Variants in CDH3 observed in about 807,000 individuals in gnomAD.
The protein encoded by CDH3 is cadherin-3.
A neutral mutation model predicts 82.0 loss-of-function variants in CDH3; 54 were observed. The observed-to-expected ratio is 0.66, with a 90% confidence interval of 0.53 to 0.83. CDH3 has a LOEUF of 0.83. CDH3 is among the 40% of genes least tolerant of loss of function. The pLI, the probability that CDH3 is intolerant of heterozygous loss-of-function variation, is 0.00. For synonymous variants in CDH3, 446 were observed against 437.9 expected (o/e 1.02, Z -0.23); for missense variants, 1,054 against 1,084.6 (o/e 0.97, Z 0.40).
chr16:68,658,412 C>T (rs1205150516), intron 2 of CDH3, among the ~76,000 whole-genome samples: 2 of 152,124 alleles, frequency 1.3e-5, no homozygotes, highest in African/African-American at 2.4e-5. Flanking sequence ...AGCTCCTCAG[C>T]CTTGAGGCCC....
At chr16:68,722,011 C>T (rs956175495) in intron 1 of CDH3, among the ~76,000 whole-genome samples, 4 of 152,086 alleles carry the variant, frequency 2.6e-5, no homozygotes, top group African/African-American at 9.7e-5. Flanking sequence ...ATTGCTTGAA[C>T]CTGGGAGGCA....
chr16:68,678,727 G>A, intron 5 of CDH3, 35 bp from the exon 6 acceptor site: 1 of 1,614,136 alleles, frequency 6.2e-7, no homozygotes, highest in Non-Finnish European at 8.5e-7. Context: ...GAGGTGGGTG[G>A]CACCGGGCTG....
At chr16:68,645,568 C>A in intron 1 of CDH3, 68 bp from the exon 2 acceptor site, 1 of 1,456,846 alleles carries the variant, frequency 6.9e-7, no homozygotes, top group Non-Finnish European at 9.3e-7. Flanking sequence ...GAGGACCCTG[C>A]GGTGTGGGGA....
chr16:68,668,810 G>A (rs1215809502), intron 2 of CDH3, among the ~76,000 whole-genome samples: 2 of 152,204 alleles, frequency 1.3e-5, no homozygotes, highest in South Asian at 2.1e-4. Flanking sequence ...AGGCCAGGAT[G>A]TGGATGTCAG....
chr16:68,685,230 G>A lies in CDH3; in HGVS notation c.1450G>A (p.Gly484Arg). The change falls in exon 11 of 16, where the codon GGG becomes AGG. Residue 484 changes from glycine to arginine, a missense_variant. By Grantham distance (125) the Gly-to-Arg change is moderately radical (BLOSUM62 -2). Coordinates refer to ENST00000264012, the MANE Select transcript of CDH3 (RefSeq NM_001793.6). ...ISYRILRDPAGWLAMDPDSGQ... is the reference protein window; with the variant it reads ...ISYRILRDPARWLAMDPDSGQ... ...CTACCGCATCCTGAGAGACCCAGCAGGGTGGCTAGCCATGGACCCAGACAG... is the reference window on the plus strand; with the variant it reads ...CTACCGCATCCTGAGAGACCCAGCAAGGTGGCTAGCCATGGACCCAGACAG... 1 of 1,614,138 alleles carries A rather than the reference G, an allele frequency of 6.2e-7. No individual in the cohort carries two copies. The highest frequency in any genetic ancestry group is 8.5e-7 in the Non-Finnish European group (1 of 1,180,036).
At chr16:68,700,833 G>A (rs549044014), downstream of CDH3, among the ~76,000 whole-genome samples, 37 of 152,204 alleles carry the variant, frequency 2.4e-4, 1 homozygote, top group South Asian at 4.1e-4. Context: ...CAGCCCAGGC[G>A]ACAGAGTGAG....
Position 68,687,752 on chromosome 16 carries a change from G to A in CDH3, c.1795+16G>A. 6.3e-7 allele frequency: 1 copy of A among 1,588,816 alleles called. No homozygotes were observed. Among genetic ancestry groups the A allele is most frequent in the Non-Finnish European group, 8.6e-7 (1 of 1,157,566 alleles). The stretch of plus-strand genomic sequence containing the variant: ...AACGAGGAAGGTACCTGAGTGAGTG[G>A]TGGTAGCGGGTGGGGTGCCAGCCCC... On this transcript the variant is annotated intron_variant, in intron 12 of 15. Coordinates refer to ENST00000264012, the MANE Select transcript of CDH3 (RefSeq NM_001793.6).
chr16:68,681,442 G>T (rs1038631134), intron 8 of CDH3, among the ~76,000 whole-genome samples: 1 of 152,170 alleles, frequency 6.6e-6, no homozygotes, highest in African/African-American at 2.4e-5. Flanking sequence ...GAATGCTTGT[G>T]TACCTCCAAG....
intron 2 of CDH3, among the ~76,000 whole-genome samples, chr16:68,647,203 C>T (rs999915967): frequency 6.6e-6 from 1 of 152,126 alleles, no homozygotes; most frequent in Non-Finnish European, 1.5e-5. Flanking sequence ...AATCCAATTC[C>T]GGCTCCCTGA....
downstream of CDH3, among the ~76,000 whole-genome samples, chr16:68,731,962 G>C (rs1962297617): frequency 6.6e-6 from 1 of 152,136 alleles, no homozygotes. Context: ...AACTACTGTT[G>C]GGGCTGGGTG....
intron 2 of CDH3, among the ~76,000 whole-genome samples, chr16:68,659,641 A>G (rs1960506006): frequency 6.6e-6 from 1 of 152,024 alleles, no homozygotes; most frequent in African/African-American, 2.4e-5. Flanking sequence ...CCAAGATCAC[A>G]CCACTGTACT....
chr16:68,713,024 A>T (rs751854497), intron 1 of CDH3, among the ~76,000 whole-genome samples: 1 of 151,846 alleles, frequency 6.6e-6, no homozygotes, highest in Non-Finnish European at 1.5e-5. Flanking sequence ...CCAGTGCAGC[A>T]TCCTCCCTTT....
chr16:68,669,353 C>G lies in CDH3; in HGVS notation c.161-7032C>G, dbSNP rs540806494. 2.0e-5 allele frequency among the ~76,000 whole-genome samples: 3 copies of G among 152,266 alleles called. No individual in the cohort carries two copies. The East Asian group carries it at 5.8e-4, about 29-fold the overall frequency. ...CAAAGCAGTTTAGAGCTGATGGGGC[C>G]AGCTCCTCAGATGTATCTGGAATAT... On this transcript the variant is annotated intron_variant, in intron 2 of 15. Coordinates refer to ENST00000264012, the MANE Select transcript of CDH3 (RefSeq NM_001793.6).
intron 13 of CDH3, 28 bp downstream of exon 13, chr16:68,691,954 T>C (rs1453102009): frequency 1.3e-6 from 2 of 1,560,534 alleles, no homozygotes; most frequent in East Asian, 2.2e-5. Context: ...ACCCCCTCCC[T>C]GAGGATGGGG....
At chr16:68,670,678 A>G (rs1960862599) in intron 2 of CDH3, among the ~76,000 whole-genome samples, 1 of 152,214 alleles carries the variant, frequency 6.6e-6, no homozygotes, top group Admixed American at 6.5e-5. Flanking sequence ...ATGAGAAAGC[A>G]TAAATACCTA....
At position 68,653,939 on chromosome 16, in the gene CDH3, G is replaced by T. The variant is rs142332701; in HGVS notation, c.160+8189G>T. Among the ~76,000 whole-genome samples, 834 of 151,566 alleles carry T rather than the reference G, an allele frequency of 5.5e-3. 11 individuals are homozygous for T. The highest frequency in any genetic ancestry group is 0.019 in the African/African-American group (789 of 41,314). ...TCGCCATGTTAGCCAGGATGGTCTC[G>T]ATCTCCTGACCTCATGATCCACCCA... On this transcript the variant is annotated intron_variant, in intron 2 of 15. Coordinates refer to ENST00000264012, the MANE Select transcript of CDH3 (RefSeq NM_001793.6).
In CDH3 at chr16:68,689,696, A is replaced by G. The variant is rs186839997; in HGVS notation, c.1795+1960A>G. ...TCCACATGGTCGACTAGTTGTTCAGACTGGAGAGCTGTCTCTGCCTCCTGG... is the reference window on the plus strand; with the variant it reads ...TCCACATGGTCGACTAGTTGTTCAGGCTGGAGAGCTGTCTCTGCCTCCTGG... On this transcript the variant is annotated intron_variant, in intron 12 of 15. Transcript: ENST00000264012. Among the ~76,000 whole-genome samples the G allele has an allele frequency of 3.0e-3, 460 of 152,258 alleles. 3 individuals carry two copies. Among genetic ancestry groups the G allele is most frequent in the African/African-American group, 0.01 (416 of 41,556 alleles).
intron 9 of CDH3, 144 bp from the exon 10 acceptor site, chr16:68,684,439 A>C (rs116422492): frequency 6.5e-6 from 6 of 917,192 alleles, no homozygotes; most frequent in Admixed American, 3.4e-5. Context: ...GGGAGTGTTT[A>C]TGTTACAGAG....
At chr16:68,695,732 G>A in intron 14 of CDH3, 45 bp from the exon 15 acceptor site, 2 of 1,607,952 alleles carry the variant, frequency 1.2e-6, no homozygotes, top group Non-Finnish European at 1.7e-6. Flanking sequence ...AGGGGAGTGG[G>A]GGACAGGAGT....
Sources: allele counts gnomAD v4.1 joint callset (sites outside exome capture counted in the v4.1 genomes callset), GRCh38; gene constraint gnomAD v4.1.1; transcripts MANE v1.5; gene names NCBI Gene and HGNC (gene_info 2026-07-23, HGNC 2026-07-21).